The following ST6GALNAC3 variants were observed in gnomAD, a reference collection of about 807,000 sequenced individuals.
ST6GALNAC3 encodes ST6 N-acetylgalactosaminide alpha-2,6-sialyltransferase 3, also known as alpha-N-acetylgalactosaminide alpha-2,6-sialyltransferase 3.
ST6GALNAC3 carries 25 observed loss-of-function variants against 32.7 expected under a neutral mutation model. The ratio of observed to expected loss-of-function variants is 0.76; its 90% CI spans 0.56 to 1.07. The LOEUF (loss-of-function observed/expected upper bound fraction) is 1.07. Among genes scored for constraint, ST6GALNAC3 ranks in the 50% least tolerant of loss-of-function variants. ST6GALNAC3 has a pLI of 0.00. For missense variants in ST6GALNAC3, 355 were observed against 382.4 expected, an observed-to-expected ratio of 0.93 and a Z score of 0.60; for synonymous variants, 129 against 133.1, an observed-to-expected ratio of 0.97 and a Z score of 0.21.
chr1:76,384,255 G>A (rs1242736225), intron 2 of ST6GALNAC3, among the ~76,000 whole-genome samples: 2 of 152,024 alleles, frequency 1.3e-5, no homozygotes, highest in Non-Finnish European at 2.9e-5. Context: ...CTGATATTAG[G>A]CATTATAGAT....
intron 1 of ST6GALNAC3, among the ~76,000 whole-genome samples, chr1:76,281,750 C>A (rs1424160711): frequency 6.6e-6 from 1 of 152,162 alleles, no homozygotes; most frequent in Non-Finnish European, 1.5e-5. Flanking sequence ...CACTTTGCTA[C>A]TCGATTATGC....
intron 1 of ST6GALNAC3, among the ~76,000 whole-genome samples, chr1:76,237,053 C>T (rs576441044): frequency 1.4e-4 from 21 of 152,190 alleles, no homozygotes; most frequent in African/African-American, 4.1e-4. Flanking sequence ...GGATAGGCCA[C>T]GGGGCCAGGC....
chr1:76,143,357 C>T (rs1650453784), intron 1 of ST6GALNAC3, among the ~76,000 whole-genome samples: 1 of 151,408 alleles, frequency 6.6e-6, no homozygotes, highest in Admixed American at 6.6e-5. Flanking sequence ...TGCAAAAGTA[C>T]TCTCCCAGGA....
chr1:76,281,905 G>T (rs185164167), intron 1 of ST6GALNAC3, among the ~76,000 whole-genome samples: 1 of 152,152 alleles, frequency 6.6e-6, no homozygotes, highest in Non-Finnish European at 1.5e-5. Context: ...CAGGTGCTGG[G>T]TGCTGTAGTG....
At chr1:76,172,618 G>T (rs963106478) in intron 1 of ST6GALNAC3, among the ~76,000 whole-genome samples, 1 of 152,136 alleles carries the variant, frequency 6.6e-6, no homozygotes, top group African/African-American at 2.4e-5. Context: ...TTCTTGAACT[G>T]AAAAGCAACT....
intron 3 of ST6GALNAC3, among the ~76,000 whole-genome samples, chr1:76,549,007 G>T (rs1211945162): frequency 1.3e-5 from 2 of 152,212 alleles, no homozygotes; most frequent in African/African-American, 2.4e-5. Context: ...GAGAAGAGAA[G>T]TTATTTCTGA....
chr1:76,511,063 C>T (rs140072425), intron 3 of ST6GALNAC3, among the ~76,000 whole-genome samples: 2 of 152,240 alleles, frequency 1.3e-5, no homozygotes, highest in East Asian at 3.9e-4. Flanking sequence ...GTTTCTCAAA[C>T]ACATCTCTAT....
intron 1 of ST6GALNAC3, among the ~76,000 whole-genome samples, chr1:76,234,580 A>C (rs1656545274): frequency 6.6e-6 from 1 of 152,194 alleles, no homozygotes; most frequent in South Asian, 2.1e-4. Flanking sequence ...TCTGGACAAG[A>C]ATCCCCTGCT....
intron 1 of ST6GALNAC3, among the ~76,000 whole-genome samples, chr1:76,297,126 C>T (rs922168769): frequency 6.6e-6 from 1 of 152,110 alleles, no homozygotes; most frequent in Non-Finnish European, 1.5e-5. Flanking sequence ...AGAAGGGGCT[C>T]TTCTCTCCAT....
At chr1:76,239,427 A>G (rs752540013) in intron 1 of ST6GALNAC3, among the ~76,000 whole-genome samples, 1 of 152,008 alleles carries the variant, frequency 6.6e-6, no homozygotes, top group Non-Finnish European at 1.5e-5. Context: ...TTGGCTCGTG[A>G]TTTTGCAGAG....
chr1:76,171,789 A>G (rs577088683), intron 1 of ST6GALNAC3, among the ~76,000 whole-genome samples: 1 of 149,400 alleles, frequency 6.7e-6, no homozygotes, highest in African/African-American at 2.5e-5. Flanking sequence ...AAATTGAGGC[A>G]GTAATTAATA....
intron 3 of ST6GALNAC3, among the ~76,000 whole-genome samples, chr1:76,611,929 C>T (rs866586073): frequency 3.9e-5 from 6 of 152,080 alleles, no homozygotes; most frequent in East Asian, 1.9e-4. Context: ...TTAAATCAGA[C>T]GATATTGATT....
intron 3 of ST6GALNAC3, among the ~76,000 whole-genome samples, chr1:76,444,690 T>A (rs905811913): frequency 2.6e-5 from 4 of 152,148 alleles, no homozygotes; most frequent in Non-Finnish European, 5.9e-5. Flanking sequence ...CCACTTTCCA[T>A]AGTTGCTTCT....
chr1:76,094,878 C>T (rs1463414522), intron 1 of ST6GALNAC3, among the ~76,000 whole-genome samples: 1 of 151,854 alleles, frequency 6.6e-6, no homozygotes, highest in Non-Finnish European at 1.5e-5. Context: ...TCACCCCCAC[C>T]CCCCACCGTT....
At chr1:76,366,768 T>C (rs909962817) in intron 2 of ST6GALNAC3, among the ~76,000 whole-genome samples, 2 of 152,216 alleles carry the variant, frequency 1.3e-5, no homozygotes, top group African/African-American at 4.8e-5. Context: ...ACCAGCTAAA[T>C]AGCACCATTG....
At chr1:76,180,473 TC>T (rs1273119965) in intron 1 of ST6GALNAC3, among the ~76,000 whole-genome samples, 1 of 152,106 alleles carries the variant, frequency 6.6e-6, no homozygotes, top group Non-Finnish European at 1.5e-5. Context: ...GGCTCCACCC[TC>T]AAGCCTGGAT....
chr1:76,142,208 G>A (rs1236614009), intron 1 of ST6GALNAC3, among the ~76,000 whole-genome samples: 1 of 152,184 alleles, frequency 6.6e-6, no homozygotes, highest in African/African-American at 2.4e-5. Context: ...AGCAGTCAAG[G>A]ATGAGTGAGT....
At chr1:76,356,188 A>T (rs890551119) in intron 2 of ST6GALNAC3, among the ~76,000 whole-genome samples, 1 of 152,042 alleles carries the variant, frequency 6.6e-6, no homozygotes, top group African/African-American at 2.4e-5. Flanking sequence ...CATTTATTGA[A>T]TTGTCAAATT....
At chr1:76,109,205 AG>A (rs1256681270) in intron 1 of ST6GALNAC3, among the ~76,000 whole-genome samples, 1 of 152,156 alleles carries the variant, frequency 6.6e-6, no homozygotes, top group East Asian at 1.9e-4. Flanking sequence ...CACAAACAGA[AG>A]GTGACAGGTT....
Sources: allele counts gnomAD v4.1 joint callset (sites outside exome capture counted in the v4.1 genomes callset), GRCh38; gene constraint gnomAD v4.1.1; transcripts MANE v1.5; gene names NCBI Gene and HGNC (gene_info 2026-07-23, HGNC 2026-07-21).